DDX10: variants seen among roughly 807,000 people sequenced by gnomAD.
DDX10 encodes probable ATP-dependent RNA helicase DDX10.
In DDX10, 74 loss-of-function variants were observed where a neutral mutation model predicts 104.3. That is an observed-to-expected ratio of 0.71 (90% CI 0.59 to 0.86). The LOEUF is 0.86. DDX10 is among the 40% of genes least tolerant of loss of function. DDX10 has a pLI of 0.00. For missense variants in DDX10, 952 were observed against 1,040.0 expected (o/e 0.92, Z 1.16); for synonymous variants, 351 against 353.4 (o/e 0.99, Z 0.08).
intron 15 of DDX10, among the ~76,000 whole-genome samples, chr11:108,846,491 A>G (rs1236890299): frequency 6.6e-6 from 1 of 152,078 alleles, no homozygotes; most frequent in Non-Finnish European, 1.5e-5. Flanking sequence ...AGCTCTTACG[A>G]AGTCTGCTTC....
intron 1 of DDX10, among the ~76,000 whole-genome samples, chr11:108,666,588 AG>A (rs1374361151): frequency 6.6e-6 from 1 of 152,210 alleles, no homozygotes; most frequent in African/African-American, 2.4e-5. Flanking sequence ...AGGTGTCAGC[AG>A]GGACTTGCTC....
At chr11:108,733,004 A>G (rs2094314124) in intron 13 of DDX10, among the ~76,000 whole-genome samples, 1 of 152,156 alleles carries the variant, frequency 6.6e-6, no homozygotes, top group Non-Finnish European at 1.5e-5. Context: ...AGCTTTCTTA[A>G]AAGTAAACAT....
At chr11:108,675,521 G>T (rs942530495) in intron 2 of DDX10, 75 bp from the exon 3 acceptor site, 16 of 1,516,442 alleles carry the variant, frequency 1.1e-5, no homozygotes, top group Middle Eastern at 2.4e-4. Context: ...AATTTTGGGG[G>T]ACACAACTCA....
At chr11:108,752,271 G>A (rs1407175642) in intron 13 of DDX10, among the ~76,000 whole-genome samples, 1 of 152,136 alleles carries the variant, frequency 6.6e-6, no homozygotes, top group South Asian at 2.1e-4. Flanking sequence ...AACCTACCGG[G>A]TTCCTCTTGC....
At chr11:108,771,909 G>A (rs2094363711) in intron 13 of DDX10, among the ~76,000 whole-genome samples, 1 of 152,154 alleles carries the variant, frequency 6.6e-6, no homozygotes, top group Non-Finnish European at 1.5e-5. Context: ...TCTAACAGGA[G>A]GACATCAAGT....
chr11:108,804,756 A>C (rs983694557), intron 13 of DDX10, among the ~76,000 whole-genome samples: 2 of 152,114 alleles, frequency 1.3e-5, no homozygotes, highest in Non-Finnish European at 2.9e-5. Flanking sequence ...CAGCTGTATG[A>C]CCGAAGCCTT....
chr11:108,914,964 A>G (rs1006441408), intron 16 of DDX10, among the ~76,000 whole-genome samples: 1 of 152,134 alleles, frequency 6.6e-6, no homozygotes, highest in Non-Finnish European at 1.5e-5. Context: ...AACACCCAGT[A>G]GAAATTGTCC....
At chr11:108,925,696 T>C (rs1163411206) in intron 17 of DDX10, among the ~76,000 whole-genome samples, 1 of 152,238 alleles carries the variant, frequency 6.6e-6, no homozygotes, top group Non-Finnish European at 1.5e-5. Context: ...AGGTTTTTGG[T>C]TCTTGTTTGA....
intron 6 of DDX10, among the ~76,000 whole-genome samples, chr11:108,687,846 G>A (rs927277681): frequency 6.6e-6 from 1 of 152,110 alleles, no homozygotes; most frequent in African/African-American, 2.4e-5. Flanking sequence ...AAAACCAGTT[G>A]ACTTGTAGTT....
intron 16 of DDX10, among the ~76,000 whole-genome samples, chr11:108,905,387 G>GACGT (rs1555039556): frequency 1.3e-5 from 2 of 150,128 alleles, no homozygotes; most frequent in Non-Finnish European, 2.9e-5. Context: ...TTTATAGTAC[G>GACGT]TCTTTATATT....
intron 8 of DDX10, among the ~76,000 whole-genome samples, chr11:108,693,070 C>T (rs1355538901): frequency 6.6e-6 from 1 of 152,128 alleles, no homozygotes; most frequent in Non-Finnish European, 1.5e-5. Flanking sequence ...AGACAGGCCC[C>T]AGTGTGTGAT....
chr11:108,913,422 G>A (rs150113103), intron 16 of DDX10, among the ~76,000 whole-genome samples: 23 of 152,232 alleles, frequency 1.5e-4, no homozygotes, highest in African/African-American at 5.1e-4. Flanking sequence ...CCTTAGTCTG[G>A]CTTAGTGAAA....
At chr11:108,669,212 G>T (rs1200276822) in intron 1 of DDX10, among the ~76,000 whole-genome samples, 2 of 151,858 alleles carry the variant, frequency 1.3e-5, no homozygotes, top group African/African-American at 2.4e-5. Flanking sequence ...ACCCAACTCA[G>T]CCTCCTGAGT....
intron 13 of DDX10, among the ~76,000 whole-genome samples, chr11:108,767,149 A>G (rs917210934): frequency 4.6e-5 from 7 of 152,088 alleles, no homozygotes; most frequent in Non-Finnish European, 1.0e-4. Context: ...TCTTCATATG[A>G]TTTCAGCTGC....
At chr11:108,792,751 A>G (rs1861888365) in intron 13 of DDX10, among the ~76,000 whole-genome samples, 1 of 152,044 alleles carries the variant, frequency 6.6e-6, no homozygotes, top group South Asian at 2.1e-4. Flanking sequence ...ACGTCCGTAT[A>G]TATTTTGTAA....
intron 13 of DDX10, among the ~76,000 whole-genome samples, chr11:108,800,981 G>A (rs1320934063): frequency 6.6e-6 from 1 of 152,112 alleles, no homozygotes; most frequent in East Asian, 1.9e-4. Flanking sequence ...ATTAATATAT[G>A]CTTAAATTCA....
At chr11:108,876,682 A>T (rs1333169269) in intron 16 of DDX10, among the ~76,000 whole-genome samples, 4 of 152,208 alleles carry the variant, frequency 2.6e-5, no homozygotes, top group Admixed American at 6.5e-5. Context: ...ATTTACTAAG[A>T]AGTAAGTGAG....
intron 13 of DDX10, among the ~76,000 whole-genome samples, chr11:108,796,746 G>C (rs1861946114): frequency 1.3e-5 from 2 of 152,168 alleles, no homozygotes. Flanking sequence ...CTTGATCCCT[G>C]ATGTGGAGGG....
At chr11:108,718,181 G>T (rs1343980416) in intron 11 of DDX10, among the ~76,000 whole-genome samples, 1 of 151,536 alleles carries the variant, frequency 6.6e-6, no homozygotes, top group Non-Finnish European at 1.5e-5. Flanking sequence ...AAAAAAAATT[G>T]TCTAGAGTAA....
Sources: gnomAD v4.1 joint callset for allele counts (sites outside exome capture counted in the v4.1 genomes callset) on GRCh38, gnomAD v4.1.1 for gene constraint, MANE v1.5 for transcripts, NCBI Gene and HGNC (gene_info 2026-07-23, HGNC 2026-07-21) for gene names.